RBM26: variants seen among roughly 807,000 people sequenced by gnomAD.
The protein encoded by RBM26 is RNA-binding protein 26.
A neutral mutation model predicts 123.6 loss-of-function variants in RBM26; 30 were observed. The ratio of observed to expected loss-of-function variants is 0.24; its 90% confidence interval spans 0.18 to 0.33. RBM26 has a LOEUF of 0.33. RBM26 is among the 10% of genes least tolerant of loss of function. The pLI, the probability that RBM26 is intolerant of heterozygous loss-of-function variation, is 1.00. For synonymous variants in RBM26, 400 were observed against 404.4 expected, an observed-to-expected ratio of 0.99 and a Z score of 0.13; for missense variants, 947 against 1,203.6, an observed-to-expected ratio of 0.79 and a Z score of 3.15.
chr13:79,364,875 AAG>A (rs1566462611), intron 9 of RBM26, among the ~76,000 whole-genome samples: 1 of 152,170 alleles, frequency 6.6e-6, no homozygotes, highest in African/African-American at 2.4e-5. Flanking sequence ...TTAACAGGTG[AAG>A]AGTCAGCAAA....
At chr13:79,344,371 A>C in intron 15 of RBM26, 49 bp from the exon 16 acceptor site, 1 of 1,325,224 alleles carries the variant, frequency 7.5e-7, no homozygotes, top group Non-Finnish European at 1.1e-6. Context: ...AAGGATAAAC[A>C]ATATTATTCA....
intron 6 of RBM26, among the ~76,000 whole-genome samples, chr13:79,367,177 C>G (rs1207007090): frequency 6.6e-6 from 1 of 151,776 alleles, no homozygotes; most frequent in African/African-American, 2.4e-5. Flanking sequence ...GAGGCTGAGG[C>G]AGGTGGATCA....
chr13:79,404,450 G>C (rs1475378342), intron 1 of RBM26, among the ~76,000 whole-genome samples: 3 of 152,128 alleles, frequency 2.0e-5, no homozygotes, highest in Non-Finnish European at 4.4e-5. Flanking sequence ...AAAATAGGCA[G>C]AGTTAAAACA....
chr13:79,361,928 G>C (rs2074737503), intron 9 of RBM26, among the ~76,000 whole-genome samples: 1 of 151,984 alleles, frequency 6.6e-6, no homozygotes. Context: ...GCACGAGAAA[G>C]GTTTTTAAAA....
At chr13:79,359,725 G>A (rs1312600061) in intron 9 of RBM26, 39 bp from the exon 10 acceptor site, 1 of 1,172,010 alleles carries the variant, frequency 8.5e-7, no homozygotes, top group East Asian at 2.7e-5. Context: ...AATAAGCATA[G>A]GTTAATATTT....
chr13:79,382,954 T>C (rs2077177665), intron 1 of RBM26, among the ~76,000 whole-genome samples: 1 of 680 alleles, frequency 1.5e-3, no homozygotes, highest in African/African-American at 2.7e-3. Context: ...AGAGAGAACT[T>C]GGTAAGTCTT....
chr13:79,372,063 G>C (rs948156859), intron 3 of RBM26, 133 bp from the exon 4 acceptor site: 6 of 612,376 alleles, frequency 9.8e-6, no homozygotes, highest in Admixed American at 2.9e-5. Flanking sequence ...GGTGGTTCAC[G>C]AAGTCGGAAG....
At chr13:79,320,744 A>C (rs760630020) in intron 21 of RBM26, 34 bp from the exon 22 acceptor site, 29 of 680,640 alleles carry the variant, frequency 4.3e-5, no homozygotes, top group South Asian at 1.3e-4. Flanking sequence ...AATTTACCCA[A>C]AAAAAAAAAA....
intron 21 of RBM26, 76 bp downstream of exon 21, chr13:79,322,273 C>T (rs757634779): frequency 2.0e-5 from 18 of 921,568 alleles, no homozygotes; most frequent in South Asian, 3.8e-5. Context: ...GTTAAAATCA[C>T]GGCCATAAAA....
Position 79,320,727 on chromosome 13 carries a change from A to G in RBM26, c.2935-17T>C. Reference sequence around the variant, plus strand: ...TTCCTGAAACTTTAGGTTAAAATGTATTTAGGAATTTACCCAAAAAAAAAA... The same window carrying G: ...TTCCTGAAACTTTAGGTTAAAATGTGTTTAGGAATTTACCCAAAAAAAAAA... On this transcript the variant is annotated splice_polypyrimidine_tract_variant and intron_variant, in intron 21 of 21. Coordinates refer to ENST00000438737, the MANE Select transcript of RBM26 (RefSeq NM_001366735.2). 1.4e-6 allele frequency: 2 copies of G among 1,422,904 alleles called. No homozygotes were observed. Among genetic ancestry groups the G allele is most frequent in the Non-Finnish European group, 1.9e-6 (2 of 1,074,862 alleles). The allele number at this position is 1,422,904 out of a possible 1,614,324, so 88.1% of individuals were successfully genotyped here. A position where few individuals can be genotyped will look rare whatever the true frequency, so the allele number is the denominator to read the frequency against.
Position 79,354,341 on chromosome 13 carries a change from T to C in RBM26, c.1986+98A>G, listed in dbSNP as rs1004693585. 4.1e-5 allele frequency: 43 copies of C among 1,037,036 alleles called. No individual in the cohort carries two copies. In the East Asian group the frequency reaches 9.8e-4, roughly 24 times the overall value. 64.2% of individuals were successfully genotyped at this position (1,037,036 alleles called of 1,614,324 possible). On this transcript the variant is annotated intron_variant, in intron 13 of 21. Coordinates refer to ENST00000438737, the MANE Select transcript of RBM26 (RefSeq NM_001366735.2). The stretch of plus-strand genomic sequence containing the variant: ...AAATATGTAAAGACTATCATATTTC[T>C]ATGTAAAATATATACAATTAACTAT...
intron 15 of RBM26, 105 bp downstream of exon 15, chr13:79,344,564 A>G: frequency 9.2e-7 from 1 of 1,081,882 alleles, no homozygotes; most frequent in Non-Finnish European, 1.3e-6. Flanking sequence ...GGCAGCCAAC[A>G]AACACCCTTG....
chr13:79,354,085 A>C (rs1566417484), intron 13 of RBM26, among the ~76,000 whole-genome samples: 1 of 152,152 alleles, frequency 6.6e-6, no homozygotes, highest in Non-Finnish European at 1.5e-5. Flanking sequence ...CAGAATTCTA[A>C]TTAAGTAAAA....
In RBM26 at chr13:79,355,259, T is replaced by C; in HGVS notation, c.1815A>G (p.Arg605=). The part of the protein sequence containing the change: ...NNRFIKVYWH[R]EGSTQQLQTT... ...TTTGTAACTGTTGGGTGCTTCCTTCTCTGTGCCAATAAACCTTAATAAAGC... is the reference window on the plus strand; with the variant it reads ...TTTGTAACTGTTGGGTGCTTCCTTCCCTGTGCCAATAAACCTTAATAAAGC... The change falls in exon 12 of 22, where the codon AGA becomes AGG. Residue 605 remains arginine, a synonymous_variant. Coordinates refer to ENST00000438737, the MANE Select transcript of RBM26 (RefSeq NM_001366735.2). The C allele has an allele frequency of 6.2e-7, 1 of 1,614,054 alleles. No individual in the cohort carries two copies. The highest frequency in any genetic ancestry group is 8.5e-7 in the Non-Finnish European group (1 of 1,179,910).
Position 79,358,381 on chromosome 13 carries a change from C to G in RBM26, c.1582G>C (p.Gly528Arg). 6.2e-7 allele frequency: 1 copy of G among 1,610,996 alleles called. No homozygotes were observed. Among genetic ancestry groups the G allele is most frequent in the Non-Finnish European group, 8.5e-7 (1 of 1,179,134 alleles). ...SPGFQKKVQFGNENTKLELRK... is the reference protein window; with the variant it reads ...SPGFQKKVQFRNENTKLELRK... The stretch of plus-strand genomic sequence containing the variant: ...AGTTCAAGCTTGGTATTTTCATTTC[C>G]AAATTGAACCTTCTTCTGAAAGCCT... The change falls in exon 11 of 22, where the codon GGA becomes CGA. Residue 528 changes from glycine to arginine, a missense_variant. Transcript: ENST00000438737.
chr13:79,325,062 C>A (rs912987392), intron 20 of RBM26, among the ~76,000 whole-genome samples: 3 of 152,036 alleles, frequency 2.0e-5, no homozygotes, highest in African/African-American at 7.2e-5. Context: ...TTATAACTAT[C>A]ATAATACATT....
downstream of RBM26, among the ~76,000 whole-genome samples, chr13:79,317,330 A>G (rs1443576833): frequency 6.6e-6 from 1 of 151,716 alleles, no homozygotes; most frequent in East Asian, 1.9e-4. Flanking sequence ...TGGCTTAGAT[A>G]TATTAAATTG....
chr13:79,366,326 T>A, intron 7 of RBM26, 131 bp from the exon 8 acceptor site: 1 of 1,044,924 alleles, frequency 9.6e-7, no homozygotes, highest in Non-Finnish European at 1.4e-6. Context: ...ACAACTGAAT[T>A]AGATATCCAG....
chr13:79,337,453 T>C (rs1013969988), intron 18 of RBM26, 151 bp from the exon 19 acceptor site: 4 of 950,926 alleles, frequency 4.2e-6, no homozygotes, highest in Middle Eastern at 2.5e-4. Context: ...ATTGGGGTTT[T>C]AGTTTAGTGA....
Sources: gnomAD v4.1 joint callset for allele counts (sites outside exome capture counted in the v4.1 genomes callset) on GRCh38, gnomAD v4.1.1 for gene constraint, MANE v1.5 for transcripts, NCBI Gene and HGNC (gene_info 2026-07-23, HGNC 2026-07-21) for gene names.